BASP1: variants seen among roughly 807,000 people sequenced by gnomAD.
BASP1 encodes brain abundant membrane attached signal protein 1.
A neutral mutation model predicts 2.2 loss-of-function variants in BASP1; 1 was observed. The observed-to-expected ratio is 0.46, with a 90% CI of 0.16 to 2.17. BASP1 has a LOEUF of 2.17. Ranked by LOEUF, BASP1 falls within the 30% of genes most tolerant of loss-of-function variation. The pLI, the probability that BASP1 is intolerant of heterozygous loss-of-function variation, is 0.27. For missense variants in BASP1, 352 were observed against 327.2 expected (o/e 1.08, Z -0.58); for synonymous variants, 187 against 154.2 (o/e 1.21, Z -1.58).
intron 1 of BASP1, among the ~76,000 whole-genome samples, chr5:17,219,488 C>T (rs918741401): frequency 6.6e-6 from 1 of 152,156 alleles, no homozygotes; most frequent in Non-Finnish European, 1.5e-5. Context: ...TATTTTGTAC[C>T]CGCACACTGT....
intron 1 of BASP1, among the ~76,000 whole-genome samples, chr5:17,246,544 G>A (rs1739995680): frequency 6.6e-6 from 1 of 152,052 alleles, no homozygotes; most frequent in Non-Finnish European, 1.5e-5. Flanking sequence ...AGGAGATGTG[G>A]CCGCCCCGAA....
At chr5:17,264,639 G>A (rs1740380056) in intron 1 of BASP1, among the ~76,000 whole-genome samples, 1 of 152,138 alleles carries the variant, frequency 6.6e-6, no homozygotes, top group Non-Finnish European at 1.5e-5. Context: ...GAATGAAAAG[G>A]AGATGACTTC....
intron 1 of BASP1, among the ~76,000 whole-genome samples, chr5:17,233,186 G>A (rs1739669052): frequency 6.6e-6 from 1 of 152,218 alleles, no homozygotes; most frequent in East Asian, 1.9e-4. Context: ...AGTTGTAGTT[G>A]AGGTGATGGT....
chr5:17,224,723 A>G (rs910613317), intron 1 of BASP1, among the ~76,000 whole-genome samples: 1 of 152,230 alleles, frequency 6.6e-6, no homozygotes, highest in East Asian at 1.9e-4. Flanking sequence ...ACTGAGGACT[A>G]TAAATGTGGA....
At chr5:17,253,044 C>T (rs1166593359) in intron 1 of BASP1, among the ~76,000 whole-genome samples, 1 of 152,142 alleles carries the variant, frequency 6.6e-6, no homozygotes, top group East Asian at 1.9e-4. Flanking sequence ...CACCTCTCCT[C>T]TAGAAGAAAA....
At chr5:17,220,801 T>A (rs942271878) in intron 1 of BASP1, among the ~76,000 whole-genome samples, 1 of 152,240 alleles carries the variant, frequency 6.6e-6, no homozygotes, top group Admixed American at 6.5e-5. Context: ...CAAGAGGTGA[T>A]GCGTTCTGTC....
rs1266871703 is a variant in BASP1 at position 17,275,677 on chromosome 5, C to T, written c.461C>T (p.Pro154Leu). ...GGGGAACCCAAAAAGACTGAGGCGC[C>T]CGCAGCTCCTGCCGCCCAGGAGACC... ...EEGEPKKTEA[P>L]AAPAAQETKS... Residue 154 changes from proline to leucine, a missense_variant, in exon 2 of 2, where the codon CCC becomes CTC. Physicochemically the swap from Pro to Leu is moderately conservative, Grantham distance 98. Coordinates refer to ENST00000322611, the MANE Select transcript of BASP1 (RefSeq NM_006317.5). The surrounding 1 kb of genome is among the most constrained non-coding windows in gnomAD (Gnocchi z 5.3). 1 of 1,573,396 alleles carries T rather than the reference C, an allele frequency of 6.4e-7. No individual in the cohort carries two copies.
chr5:17,267,328 T>C (rs1740432838), intron 1 of BASP1, among the ~76,000 whole-genome samples: 1 of 152,170 alleles, frequency 6.6e-6, no homozygotes, highest in African/African-American at 2.4e-5. Flanking sequence ...TGATGAAACC[T>C]GACTTTTCTG....
chr5:17,220,645 C>T (rs955147736), intron 1 of BASP1, among the ~76,000 whole-genome samples: 8 of 152,064 alleles, frequency 5.3e-5, no homozygotes, highest in African/African-American at 1.2e-4. Flanking sequence ...GCCATTGTGA[C>T]GTGTAGAAGA....
intron 1 of BASP1, among the ~76,000 whole-genome samples, chr5:17,221,731 T>C (rs1739397466): frequency 1.3e-5 from 2 of 152,138 alleles, no homozygotes; most frequent in African/African-American, 4.8e-5. Flanking sequence ...AACATGAGCT[T>C]TTTTCTTTGG....
intron 1 of BASP1, among the ~76,000 whole-genome samples, chr5:17,231,884 T>G (rs1481710361): frequency 6.6e-6 from 1 of 152,202 alleles, no homozygotes; most frequent in Non-Finnish European, 1.5e-5. Context: ...TGTTGAAGGT[T>G]GTCTACAGTA....
chr5:17,230,698 G>T (rs1044765572), intron 1 of BASP1, among the ~76,000 whole-genome samples: 6 of 152,042 alleles, frequency 3.9e-5, no homozygotes, highest in Non-Finnish European at 8.8e-5. Context: ...CAAGTAGGTG[G>T]GATTACAGGT....
At chr5:17,242,348 C>T (rs1211562369) in intron 1 of BASP1, among the ~76,000 whole-genome samples, 1 of 152,250 alleles carries the variant, frequency 6.6e-6, no homozygotes, top group South Asian at 2.1e-4. Context: ...AGATCAGTTT[C>T]ATGTTCACAC....
intron 1 of BASP1, among the ~76,000 whole-genome samples, chr5:17,245,305 CTCAA>C (rs1561170488): frequency 4.2e-4 from 27 of 64,274 alleles, no homozygotes; most frequent in Admixed American, 6.5e-4. Context: ...GAGACTCCGT[CTCAA>C]AAAAAAAAAA....
chr5:17,219,512 A>G (rs1739351387), intron 1 of BASP1, among the ~76,000 whole-genome samples: 1 of 152,184 alleles, frequency 6.6e-6, no homozygotes, highest in South Asian at 2.1e-4. Context: ...TTTCCTTTCT[A>G]GTACTGTTCA....
intron 1 of BASP1, among the ~76,000 whole-genome samples, chr5:17,227,464 C>T (rs1259106277): frequency 1.3e-4 from 20 of 151,950 alleles, no homozygotes; most frequent in African/African-American, 4.4e-4. Context: ...TGCAGTGGCA[C>T]GATCTCGGCT....
intron 1 of BASP1, among the ~76,000 whole-genome samples, chr5:17,264,005 A>C (rs1032101235): frequency 6.6e-6 from 1 of 152,180 alleles, no homozygotes; most frequent in Admixed American, 6.5e-5. Context: ...TAATTTCAAC[A>C]ATGGAAATTG....
chr5:17,230,821 G>A (rs956279818), intron 1 of BASP1, among the ~76,000 whole-genome samples: 7 of 152,088 alleles, frequency 4.6e-5, no homozygotes. Context: ...ACCCGCCTTG[G>A]CCTCCCAAAG....
intron 1 of BASP1, among the ~76,000 whole-genome samples, chr5:17,234,462 AT>A (rs1197305060): frequency 6.6e-6 from 1 of 152,224 alleles, no homozygotes; most frequent in Non-Finnish European, 1.5e-5. Context: ...CATCAGTGGC[AT>A]TTGTTCATGT....
Sources: gnomAD v4.1 joint callset for allele counts (sites outside exome capture counted in the v4.1 genomes callset) on GRCh38, gnomAD v4.1.1 for gene constraint, Gnocchi (gnomAD v3.1) non-coding constraint, MANE v1.5 for transcripts, NCBI Gene and HGNC (gene_info 2026-07-23, HGNC 2026-07-21) for gene names.